The following NPHP1 variants were observed in gnomAD, a reference collection of about 807,000 sequenced individuals.
NPHP1 encodes nephrocystin-1.
NPHP1 carries 70 observed loss-of-function variants against 90.4 expected under a neutral mutation model. That is an observed-to-expected ratio of 0.77 (90% CI 0.64 to 0.95). The LOEUF is 0.95. NPHP1 is among the 40% of genes least tolerant of loss of function. The pLI, the probability that NPHP1 is intolerant of heterozygous loss-of-function variation, is 0.00. For missense variants in NPHP1, 764 were observed against 795.9 expected (o/e 0.96, Z 0.48); for synonymous variants, 256 against 271.7 (o/e 0.94, Z 0.57).
intron 2 of NPHP1, among the ~76,000 whole-genome samples, chr2:110,197,218 A>C (rs1290183550): frequency 6.6e-6 from 1 of 152,162 alleles, no homozygotes. Flanking sequence ...TCTGTCCAGT[A>C]AACCAGTATG....
At chr2:110,168,592 C>A (rs759253223) in intron 5 of NPHP1, 39 bp from the exon 6 acceptor site, 3 of 1,349,912 alleles carry the variant, frequency 2.2e-6, no homozygotes, top group Non-Finnish European at 2.1e-6. Context: ...AAATAAAATT[C>A]AATAATCATG....
intron 2 of NPHP1, among the ~76,000 whole-genome samples, chr2:110,198,827 G>A (rs560263283): frequency 6.6e-6 from 1 of 152,182 alleles, no homozygotes; most frequent in African/African-American, 2.4e-5. Flanking sequence ...AAAAGCCCAT[G>A]AGAGCTCTCT....
intron 18 of NPHP1, chr2:110,127,091 C>T: frequency 6.6e-6 from 1 of 151,588 alleles, no homozygotes; most frequent in Non-Finnish European, 1.5e-5. Context: ...TTGGCCAATG[C>T]AATGTGAGCA....
At chr2:110,151,777 G>A (rs1333288414) in intron 11 of NPHP1, among the ~76,000 whole-genome samples, 1 of 152,082 alleles carries the variant, frequency 6.6e-6, no homozygotes, top group Non-Finnish European at 1.5e-5. Flanking sequence ...CTGTAAGACT[G>A]CATGTTATTC....
intron 13 of NPHP1, among the ~76,000 whole-genome samples, chr2:110,147,562 C>T (rs1681153247): frequency 6.6e-6 from 1 of 152,020 alleles, no homozygotes; most frequent in Non-Finnish European, 1.5e-5. Context: ...AATTAGAAAC[C>T]TCAGTTACAA....
At chr2:110,177,270 T>A (rs1184437714) in intron 4 of NPHP1, among the ~76,000 whole-genome samples, 2 of 152,134 alleles carry the variant, frequency 1.3e-5, no homozygotes. Flanking sequence ...ACTCTGCCAT[T>A]CTCAGTACTA....
intron 6 of NPHP1, among the ~76,000 whole-genome samples, chr2:110,166,589 T>G (rs1682744652): frequency 6.6e-6 from 1 of 152,166 alleles, no homozygotes; most frequent in Non-Finnish European, 1.5e-5. Context: ...ACTAAAGAGA[T>G]AACTCTAGGC....
At chr2:110,196,337 G>T (rs893958200) in intron 2 of NPHP1, among the ~76,000 whole-genome samples, 1 of 152,082 alleles carries the variant, frequency 6.6e-6, no homozygotes. Context: ...ATCAAAAAGT[G>T]GGCAAAGGAT....
At position 110,147,996 on chromosome 2, in the gene NPHP1, C is replaced by T; in HGVS notation, c.1189G>A (p.Gly397Ser). 2 of 1,609,920 alleles carry T rather than the reference C, an allele frequency of 1.2e-6. No homozygotes were observed. The highest frequency in any genetic ancestry group is 1.7e-6 in the Non-Finnish European group (2 of 1,176,202). Residue 397 changes from glycine to serine, a missense_variant, in exon 13 of 20, where the codon GGT (glycine) becomes AGT (serine). Coordinates refer to ENST00000445609, the MANE Select transcript of NPHP1 (RefSeq NM_001128178.3). Reference protein sequence around the residue: ...VTRILPCLLDGDCFIRSNSAS... With the variant: ...VTRILPCLLDSDCFIRSNSAS... Reference sequence around the variant, plus strand: ...GAATTAGACCTGATAAAGCAATCACCATCAAGCAAACATGGTAAGATGCGA... The same window carrying T: ...GAATTAGACCTGATAAAGCAATCACTATCAAGCAAACATGGTAAGATGCGA...
chr2:110,176,920 C>T (rs1419874278), intron 4 of NPHP1, among the ~76,000 whole-genome samples: 2 of 152,192 alleles, frequency 1.3e-5, no homozygotes, highest in Non-Finnish European at 2.9e-5. Flanking sequence ...GCCCAGGAGA[C>T]CTTTCAGATT....
intron 6 of NPHP1, among the ~76,000 whole-genome samples, chr2:110,166,446 C>G (rs1682735167): frequency 6.6e-6 from 1 of 152,152 alleles, no homozygotes; most frequent in Non-Finnish European, 1.5e-5. Context: ...AAATGCTGGT[C>G]AATGAGCAAC....
chr2:110,132,802 G>T (rs1012183644), intron 16 of NPHP1, among the ~76,000 whole-genome samples: 3 of 152,138 alleles, frequency 2.0e-5, no homozygotes, highest in African/African-American at 7.2e-5. Context: ...TAAGGATGTT[G>T]TATGCAATAC....
At chr2:110,163,188 C>T (rs1682474144) in intron 8 of NPHP1, 53 bp from the exon 9 acceptor site, 4 of 1,248,498 alleles carry the variant, frequency 3.2e-6, no homozygotes, top group Non-Finnish European at 4.7e-6. Flanking sequence ...TTCTGCATCT[C>T]TATAATACTT....
At chr2:110,184,060 A>G (rs1246857681) in intron 2 of NPHP1, 1 of 514,244 alleles carries the variant, frequency 1.9e-6, no homozygotes, top group Non-Finnish European at 3.9e-6. Context: ...TCTGCCGTGG[A>G]GTCTTACGAT....
chr2:110,177,052 T>C (rs928430829), intron 4 of NPHP1, among the ~76,000 whole-genome samples: 1 of 152,164 alleles, frequency 6.6e-6, no homozygotes, highest in South Asian at 2.1e-4. Context: ...TACTATTCCC[T>C]GCTTGGAATC....
chr2:110,169,654 C>T lies in NPHP1; in HGVS notation c.522+152G>A, dbSNP rs910716892. ...TTAGTAACACAATCTCATATTACTA[C>T]TGCTTGTAAATTGTAATTATTACTT... On this transcript the variant is annotated intron_variant, in intron 5 of 19. Coordinates refer to ENST00000445609, the MANE Select transcript of NPHP1 (RefSeq NM_001128178.3). The T allele has an allele frequency of 3.5e-5, 23 of 650,586 alleles. No homozygotes were observed. In the African/African-American group the frequency reaches 4.2e-4, roughly 12 times the overall value. 40.3% of individuals were successfully genotyped at this position (650,586 alleles called of 1,614,324 possible). A position where few individuals can be genotyped will look rare whatever the true frequency, so the allele number is the denominator to read the frequency against.
At chr2:110,126,058 TTTCTACAA>T (rs1156668986) in intron 18 of NPHP1, 1 of 287,090 alleles carries the variant, frequency 3.5e-6, no homozygotes, top group Non-Finnish European at 6.7e-6. Flanking sequence ...ATACCAAACT[TTTCTACAA>T]TTCTCTCTGT....
At chr2:110,199,390 T>C (rs1685410230) in intron 2 of NPHP1, among the ~76,000 whole-genome samples, 1 of 151,076 alleles carries the variant, frequency 6.6e-6, no homozygotes, top group Non-Finnish European at 1.5e-5. Context: ...GCCAAGATCA[T>C]GACAGAGTGA....
intron 2 of NPHP1, among the ~76,000 whole-genome samples, chr2:110,185,794 AG>A (rs34226923): frequency 2.0e-5 from 3 of 152,170 alleles, no homozygotes; most frequent in Non-Finnish European, 4.4e-5. Flanking sequence ...CATGTTCACC[AG>A]GGAACAGGAC....
Sources: allele counts gnomAD v4.1 joint callset (sites outside exome capture counted in the v4.1 genomes callset), GRCh38; gene constraint gnomAD v4.1.1; transcripts MANE v1.5; gene names NCBI Gene and HGNC (gene_info 2026-07-23, HGNC 2026-07-21).